LIPA: variants seen among roughly 807,000 people sequenced by gnomAD.
LIPA encodes the protein lysosomal acid lipase/cholesteryl ester hydrolase.
A neutral mutation model predicts 40.6 loss-of-function variants in LIPA; 26 were observed. The ratio of observed to expected loss-of-function variants is 0.64; its 90% CI spans 0.47 to 0.89. The LOEUF (loss-of-function observed/expected upper bound fraction) is 0.89. Among genes scored for constraint, LIPA ranks in the 40% least tolerant of loss-of-function variants. The pLI, the probability that LIPA is intolerant of heterozygous loss-of-function variation, is 0.00. For synonymous variants in LIPA, 188 were observed against 168.4 expected, an observed-to-expected ratio of 1.12 and a Z score of -0.90; for missense variants, 455 against 479.6, an observed-to-expected ratio of 0.95 and a Z score of 0.48.
At chr10:89,336,526 C>T (rs2133559019) in intron 1 of LIPA, among the ~76,000 whole-genome samples, 1 of 152,270 alleles carries the variant, frequency 6.6e-6, no homozygotes, top group South Asian at 2.1e-4. Flanking sequence ...AGTACACTTG[C>T]AGTAGCGGTG....
At chr10:89,218,102 T>C (rs1381618638) in intron 8 of LIPA, among the ~76,000 whole-genome samples, 1 of 152,170 alleles carries the variant, frequency 6.6e-6, no homozygotes, top group African/African-American at 2.4e-5. Context: ...CAGGAGGAAA[T>C]GCCTATAGTA....
chr10:89,240,853 C>T (rs1207864927), intron 3 of LIPA, among the ~76,000 whole-genome samples: 1 of 152,120 alleles, frequency 6.6e-6, no homozygotes, highest in Non-Finnish European at 1.5e-5. Context: ...CGCAATGTCA[C>T]AGGAGGGCTG....
At chr10:89,351,719 C>A (rs180678955) in intron 2 of LIPA, among the ~76,000 whole-genome samples, 19 of 152,332 alleles carry the variant, frequency 1.2e-4, no homozygotes, top group Admixed American at 3.9e-4. Context: ...TGGTCCAAGT[C>A]CAAGGGACAA....
rs920397928 is a variant in LIPA at position 89,259,794 on chromosome 10, A to G, written c.-1-12145T>C. On this transcript the variant is annotated intron_variant, in intron 1 of 5. Transcript: ENST00000282673. ...GAAAGAGGACAAACAAAAACAGTAC[A>G]TGTCTCATTTCATTTTCATAAAAAT... Among the ~76,000 whole-genome samples, 5 of 152,206 alleles carry G rather than the reference A, an allele frequency of 3.3e-5. No individual in the cohort carries two copies. In the East Asian group the frequency reaches 7.7e-4, roughly 23 times the overall value.
chr10:89,381,923 C>A (rs756022730), intron 2 of LIPA, among the ~76,000 whole-genome samples: 2 of 151,916 alleles, frequency 1.3e-5, no homozygotes, highest in Non-Finnish European at 2.9e-5. Context: ...GTAGCTGGGA[C>A]AACGCTGGCT....
upstream of LIPA, among the ~76,000 whole-genome samples, chr10:89,255,416 A>G (rs1046093744): frequency 1.3e-5 from 2 of 152,176 alleles, no homozygotes; most frequent in East Asian, 3.9e-4. Context: ...ACTGCCCCCC[A>G]TGATTTAATT....
intron 1 of LIPA, chr10:89,332,640 T>G: frequency 6.2e-7 from 1 of 1,613,554 alleles, no homozygotes; most frequent in Non-Finnish European, 8.5e-7. Context: ...AAATAGTCCC[T>G]GCTTCTCTGA....
At chr10:89,366,810 C>T (rs976745109) in intron 2 of LIPA, among the ~76,000 whole-genome samples, 16 of 152,172 alleles carry the variant, frequency 1.1e-4, no homozygotes, top group Non-Finnish European at 2.2e-4. Context: ...TTTGACCCAG[C>T]CATCCCATTA....
chr10:89,342,428 C>T (rs1315419172), intron 1 of LIPA: 1 of 152,228 alleles, frequency 6.6e-6, no homozygotes, highest in Non-Finnish European at 1.5e-5. Flanking sequence ...AATAACCTCC[C>T]CCATCCTCCT....
At chr10:89,371,017 C>CA (rs889449541) in intron 2 of LIPA, among the ~76,000 whole-genome samples, 120 of 151,882 alleles carry the variant, frequency 7.9e-4, no homozygotes, top group African/African-American at 2.8e-3. Flanking sequence ...GACTCTGTCT[C>CA]AAAAAAACAA....
chr10:89,338,627 T>TC (rs1355803679), intron 1 of LIPA: 1 of 1,584,680 alleles, frequency 6.3e-7, no homozygotes, highest in Non-Finnish European at 8.6e-7. Flanking sequence ...CTTGGCAGTG[T>TC]ACATCACAGT....
At chr10:89,351,797 C>A (rs1018562960) in intron 2 of LIPA, among the ~76,000 whole-genome samples, 1 of 152,162 alleles carries the variant, frequency 6.6e-6, no homozygotes, top group Non-Finnish European at 1.5e-5. Flanking sequence ...TCAAAAAATA[C>A]GCGCATCACC....
chr10:89,264,379 T>C (rs985843184), intron 1 of LIPA, among the ~76,000 whole-genome samples: 2 of 152,088 alleles, frequency 1.3e-5, no homozygotes, highest in Non-Finnish European at 2.9e-5. Context: ...TCCCAACAAG[T>C]GATCAGCCCT....
At chr10:89,318,965 T>C (rs1843556515) in intron 1 of LIPA, among the ~76,000 whole-genome samples, 1 of 152,180 alleles carries the variant, frequency 6.6e-6, no homozygotes. Flanking sequence ...GAATGACTAC[T>C]GGGTACATAA....
At chr10:89,370,284 A>G (rs1844084786) in intron 2 of LIPA, among the ~76,000 whole-genome samples, 1 of 151,574 alleles carries the variant, frequency 6.6e-6, no homozygotes, top group Non-Finnish European at 1.5e-5. Flanking sequence ...GAGTGCTGCA[A>G]CACAGTCATG....
chr10:89,273,019 T>C (rs1843273514), intron 1 of LIPA, among the ~76,000 whole-genome samples: 1 of 152,228 alleles, frequency 6.6e-6, no homozygotes, highest in Admixed American at 6.5e-5. Context: ...GCAAAAAGTT[T>C]CTCCCATTCT....
chr10:89,393,302 A>C (rs2133613250), intron 2 of LIPA: 1 of 1,288,776 alleles, frequency 7.8e-7, no homozygotes, highest in Middle Eastern at 2.2e-4. Context: ...TGAGCTTAAG[A>C]TAAACAGATT....
intron 1 of LIPA, among the ~76,000 whole-genome samples, chr10:89,271,843 T>C (rs551344678): frequency 1.3e-5 from 2 of 152,038 alleles, no homozygotes; most frequent in African/African-American, 2.4e-5. Context: ...CGGCAGATCA[T>C]TTGAGCCTCA....
chr10:89,272,912 T>C (rs757689668), intron 1 of LIPA, among the ~76,000 whole-genome samples: 9 of 152,394 alleles, frequency 5.9e-5, no homozygotes, highest in Admixed American at 3.3e-4. Flanking sequence ...AAGTGTTTGT[T>C]CATGTCCTTT....
Sources: allele counts gnomAD v4.1 joint callset (sites outside exome capture counted in the v4.1 genomes callset), GRCh38; gene constraint gnomAD v4.1.1; transcripts MANE v1.5; gene names NCBI Gene and HGNC (gene_info 2026-07-23, HGNC 2026-07-21).